Variants in MEGF11 observed in about 807,000 individuals in gnomAD.
MEGF11 encodes multiple epidermal growth factor-like domains protein 11.
In MEGF11, 126 loss-of-function variants were observed where a neutral mutation model predicts 146.6. The ratio of observed to expected loss-of-function variants is 0.86; its 90% confidence interval spans 0.74 to 1.00. The LOEUF is 1.00. Ranked by LOEUF, MEGF11 falls within the 50% of genes least tolerant of loss-of-function variation. The probability of loss-of-function intolerance (pLI) is 0.00; values close to 1 mark genes in which losing one functional copy is unlikely to be tolerated. For missense variants in MEGF11, 1,509 were observed against 1,521.2 expected (o/e 0.99, Z 0.13); for synonymous variants, 532 against 583.4 (o/e 0.91, Z 1.27).
intron 1 of MEGF11, among the ~76,000 whole-genome samples, chr15:66,138,910 G>A (rs923097159): frequency 2.6e-5 from 4 of 152,174 alleles, no homozygotes; most frequent in African/African-American, 7.2e-5. Flanking sequence ...ACTACTGGGG[G>A]TGCACAGGGG....
At chr15:66,063,151 A>C (rs917000892) in intron 5 of MEGF11, among the ~76,000 whole-genome samples, 6 of 152,346 alleles carry the variant, frequency 3.9e-5, no homozygotes, top group African/African-American at 1.4e-4. Context: ...AAGTTACATA[A>C]TTTCAAACAA....
chr15:66,174,205 C>G (rs1227433927), intron 1 of MEGF11, among the ~76,000 whole-genome samples: 1 of 152,194 alleles, frequency 6.6e-6, no homozygotes, highest in Non-Finnish European at 1.5e-5. Flanking sequence ...CCATGGTCAT[C>G]TTGAGATGGA....
chr15:65,965,297 C>T lies in MEGF11; in HGVS notation c.900-177G>A, dbSNP rs59177802. 1.7e-3 allele frequency: 920 copies of T among 540,540 alleles called. 2 individuals are homozygous for T. Among genetic ancestry groups the T allele is most frequent in the Middle Eastern group, 3.8e-3 (8 of 2,120 alleles). The allele number at this position is 540,540 out of a possible 1,614,324, so 33.5% of individuals were successfully genotyped here. A position where few individuals can be genotyped will look rare whatever the true frequency, so the allele number is the denominator to read the frequency against. The stretch of plus-strand genomic sequence containing the variant: ...CCAGGAAGTAGTCCATGGTTTAGTT[C>T]GCCCCAGTCATTTCTGCCTTTCATG... On this transcript the variant is annotated intron_variant, in intron 8 of 25. Coordinates refer to ENST00000395614, the MANE Select transcript of MEGF11 (RefSeq NM_001385028.1).
intron 1 of MEGF11, among the ~76,000 whole-genome samples, chr15:66,214,805 T>TTCCTCC (rs1324973152): frequency 6.6e-6 from 1 of 152,232 alleles, no homozygotes; most frequent in African/African-American, 2.4e-5. Context: ...AGGCTGCCCC[T>TTCCTCC]TCCTCCTGCA....
At chr15:65,967,978 T>C (rs2141590645) in intron 8 of MEGF11, among the ~76,000 whole-genome samples, 1 of 152,236 alleles carries the variant, frequency 6.6e-6, no homozygotes, top group South Asian at 2.1e-4. Flanking sequence ...GAGGCTGCCA[T>C]GAGACAAGTG....
At position 65,922,928 on chromosome 15, in the gene MEGF11, G is replaced by A. The variant is rs776552624; in HGVS notation, c.1717C>T (p.Pro573Ser). Reference sequence around the variant, plus strand: ...CAGCTGCAGGAGACAGAGCAGTTGGGGCCCCAGCGGCCAGGTGGACACGTG... The same window carrying A: ...CAGCTGCAGGAGACAGAGCAGTTGGAGCCCCAGCGGCCAGGTGGACACGTG... ...DSTCPPGRWG[P>S]NCSVSCSCEN... The change falls in exon 14 of 26, where the codon CCC (proline) becomes TCC (serine). Residue 573 changes from proline to serine, a missense_variant. Pro to Ser is a moderately conservative substitution (Grantham distance 74). Transcript: ENST00000395614. The A allele has an allele frequency of 1.9e-6, 3 of 1,613,138 alleles. No individual in the cohort carries two copies. The highest frequency in any genetic ancestry group is 2.5e-6 in the Non-Finnish European group (3 of 1,179,714).
At chr15:65,964,831 G>A in intron 9 of MEGF11, 77 bp downstream of exon 9, 1 of 1,360,436 alleles carries the variant, frequency 7.4e-7, no homozygotes, top group Non-Finnish European at 1.0e-6. Flanking sequence ...GAGGTGGGGG[G>A]CCACATCCTA....
chr15:65,916,994 C>T (rs1482462528), intron 16 of MEGF11, 38 bp from the exon 17 acceptor site: 8 of 1,450,954 alleles, frequency 5.5e-6, no homozygotes, highest in Middle Eastern at 2.5e-4. Flanking sequence ...GAGGGGAAGG[C>T]AGAGAGGGGC....
intron 1 of MEGF11, among the ~76,000 whole-genome samples, chr15:66,193,881 T>G (rs1472216345): frequency 6.6e-6 from 1 of 152,194 alleles, no homozygotes; most frequent in Non-Finnish European, 1.5e-5. Flanking sequence ...CCTACTTTGC[T>G]TAATGTAATA....
At chr15:66,235,969 A>G (rs1294587924) in intron 1 of MEGF11, among the ~76,000 whole-genome samples, 2 of 152,156 alleles carry the variant, frequency 1.3e-5, no homozygotes, top group African/African-American at 4.8e-5. Context: ...GGCTCTCACT[A>G]CAGTGTTGAG....
At chr15:66,131,080 T>G (rs1287864657) in intron 1 of MEGF11, among the ~76,000 whole-genome samples, 3 of 152,218 alleles carry the variant, frequency 2.0e-5, no homozygotes, top group Non-Finnish European at 4.4e-5. Context: ...TTCTCTTCCC[T>G]CTGGTCCAGC....
intron 16 of MEGF11, 21 bp from the exon 17 acceptor site, chr15:65,916,977 A>G: frequency 6.7e-7 from 1 of 1,488,892 alleles, no homozygotes; most frequent in Non-Finnish European, 9.0e-7. Context: ...GGTGAAATGC[A>G]GAGGGTGAGG....
chr15:66,113,890 A>T (rs1339702325), intron 4 of MEGF11, among the ~76,000 whole-genome samples: 1 of 151,940 alleles, frequency 6.6e-6, no homozygotes, highest in Non-Finnish European at 1.5e-5. Flanking sequence ...CAAAAAAAAA[A>T]AAGAAAAAGA....
intron 1 of MEGF11, among the ~76,000 whole-genome samples, chr15:66,234,534 C>A (rs1194710687): frequency 6.6e-6 from 1 of 152,230 alleles, no homozygotes; most frequent in Admixed American, 6.5e-5. Context: ...GCCCCCTTGA[C>A]CTTGGGACCA....
At chr15:66,127,470 T>C (rs993323020) in intron 2 of MEGF11, among the ~76,000 whole-genome samples, 16 of 152,206 alleles carry the variant, frequency 1.1e-4, no homozygotes, top group Non-Finnish European at 2.4e-4. Context: ...CTCATGGGCA[T>C]GAAGCACGGA....
Position 66,188,292 on chromosome 15 carries a change from T to G in MEGF11, c.-8-59881A>C, listed in dbSNP as rs559415465. Among the ~76,000 whole-genome samples the G allele has an allele frequency of 1.6e-3, 240 of 152,260 alleles. 6 individuals carry two copies. The highest frequency in any genetic ancestry group is 3.1e-3 in the South Asian group (15 of 4,816). ...ATAAATTCTTGGTACTGTTTTTATC[T>G]TTCCTGTAACTTTCCTGTAAGTCTG... On this transcript the variant is annotated intron_variant, in intron 1 of 25. Coordinates refer to ENST00000395614, the MANE Select transcript of MEGF11 (RefSeq NM_001385028.1).
intron 1 of MEGF11, among the ~76,000 whole-genome samples, chr15:66,160,695 ACACACACACACC>A (rs1234217960): frequency 2.0e-5 from 3 of 151,528 alleles, no homozygotes; most frequent in East Asian, 1.9e-4. Context: ...ACACACACAC[ACACACACACACC>A]CTTGCCCTAG....
At chr15:66,236,014 C>G (rs550044330) in intron 1 of MEGF11, among the ~76,000 whole-genome samples, 116 of 152,262 alleles carry the variant, frequency 7.6e-4, no homozygotes, top group African/African-American at 2.7e-3. Context: ...AGAGTCAGAA[C>G]AGAAAGACAA....
chr15:66,096,666 G>A (rs1476632077), intron 4 of MEGF11, among the ~76,000 whole-genome samples: 1 of 152,224 alleles, frequency 6.6e-6, no homozygotes, highest in African/African-American at 2.4e-5. Context: ...GGGTGGAGGA[G>A]CTGCTTCAAC....
Sources: allele counts gnomAD v4.1 joint callset (sites outside exome capture counted in the v4.1 genomes callset), GRCh38; gene constraint gnomAD v4.1.1; transcripts MANE v1.5; gene names NCBI Gene and HGNC (gene_info 2026-07-23, HGNC 2026-07-21).